HYDIN: variants seen among roughly 807,000 people sequenced by gnomAD.
HYDIN encodes the protein HYDIN axonemal central pair apparatus protein.
In HYDIN, 132 loss-of-function variants were observed where a neutral mutation model predicts 403.9. The ratio of observed to expected loss-of-function variants is 0.33; its 90% CI spans 0.28 to 0.38. HYDIN has a LOEUF of 0.38. Ranked by LOEUF, HYDIN falls within the 10% of genes least tolerant of loss-of-function variation. The pLI, the probability that HYDIN is intolerant of heterozygous loss-of-function variation, is 1.00. For synonymous variants in HYDIN, 1,202 were observed against 1,891.7 expected (o/e 0.64, Z 9.46); for missense variants, 2,827 against 5,009.5 (o/e 0.56, Z 13.15).
At chr16:71,073,610 T>C (rs1275519076) in intron 13 of HYDIN, among the ~76,000 whole-genome samples, 1 of 152,160 alleles carries the variant, frequency 6.6e-6, no homozygotes, top group Non-Finnish European at 1.5e-5. Flanking sequence ...GTCCACATTA[T>C]TCAATGGCCG....
chr16:70,841,010 G>GAAT (rs1183498170), intron 75 of HYDIN, among the ~76,000 whole-genome samples: 1 of 151,942 alleles, frequency 6.6e-6, no homozygotes, highest in African/African-American at 2.4e-5. Flanking sequence ...AGCATCATTA[G>GAAT]AATAAACATT....
At chr16:70,971,173 A>G (rs1438725759) in intron 35 of HYDIN, among the ~76,000 whole-genome samples, 9 of 152,226 alleles carry the variant, frequency 5.9e-5, no homozygotes, top group Non-Finnish European at 1.3e-4. Flanking sequence ...CAAAAATGCC[A>G]GGGAAATGAT....
chr16:71,188,028 C>T (rs1473136864), intron 1 of HYDIN, among the ~76,000 whole-genome samples: 1 of 152,134 alleles, frequency 6.6e-6, no homozygotes, highest in African/African-American at 2.4e-5. Context: ...AAAGTTCAAA[C>T]AACACAAGGC....
At chr16:71,030,533 A>C (rs1030359059) in intron 19 of HYDIN, among the ~76,000 whole-genome samples, 7 of 151,402 alleles carry the variant, frequency 4.6e-5, no homozygotes, top group Non-Finnish European at 8.8e-5. Flanking sequence ...CTTGGGCTCA[A>C]GTGATTCTCC....
chr16:71,201,104 C>G (rs1598016275), intron 1 of HYDIN, among the ~76,000 whole-genome samples: 1 of 152,306 alleles, frequency 6.6e-6, no homozygotes, highest in Admixed American at 6.5e-5. Flanking sequence ...CTTGACCTCT[C>G]TGACATCCCC....
In HYDIN at chr16:70,862,095, T is replaced by C; in HGVS notation, c.11730A>G (p.Lys3910=). 6.2e-7 allele frequency: 1 copy of C among 1,609,610 alleles called. No homozygotes were observed. Among genetic ancestry groups the C allele is most frequent in the Non-Finnish European group, 8.5e-7 (1 of 1,178,054 alleles). The stretch of plus-strand genomic sequence containing the variant: ...AGTCTCCAATGTCCAACGGGGAGAA[T>C]TTTACTTTGAACTTCTGAATCTTCC... ...PVGKIQKFKV[K]FSPLDIGDFE... is the part of the protein sequence containing the mutation. Residue 3910 remains lysine (K), a synonymous_variant, in exon 69 of 86, where the codon AAA becomes AAG. Coordinates refer to ENST00000393567, the MANE Select transcript of HYDIN (RefSeq NM_001270974.2).
In HYDIN at chr16:71,088,543, A is replaced by C; in HGVS notation, c.1447-19T>G. The C allele has an allele frequency of 1.6e-6, 1 of 626,298 alleles. No homozygotes were observed. The highest frequency in any genetic ancestry group is 2.9e-5 in the Admixed American group (1 of 34,602). 38.8% of individuals were successfully genotyped at this position (626,298 alleles called of 1,614,324 possible). A position where few individuals can be genotyped will look rare whatever the true frequency, so the allele number is the denominator to read the frequency against. ...GTATCGCCTATATCAATAAAAGGCA[A>C]GAATGTGAAGGTCAATGGGCCTCTG... On this transcript the variant is annotated intron_variant, in intron 11 of 85. Coordinates refer to ENST00000393567, the MANE Select transcript of HYDIN (RefSeq NM_001270974.2).
At chr16:70,963,017 C>T (rs1296501462) in intron 37 of HYDIN, among the ~76,000 whole-genome samples, 1 of 152,146 alleles carries the variant, frequency 6.6e-6, no homozygotes, top group Non-Finnish European at 1.5e-5. Flanking sequence ...AGGGAGCCCA[C>T]AAACATGGTG....
At chr16:71,079,212 G>A (rs2082709723) in intron 13 of HYDIN, among the ~76,000 whole-genome samples, 4 of 152,148 alleles carry the variant, frequency 2.6e-5, no homozygotes, top group African/African-American at 9.7e-5. Context: ...ACACTATAAG[G>A]ACAGATGTTT....
intron 10 of HYDIN, among the ~76,000 whole-genome samples, chr16:71,097,813 G>A (rs1285049915): frequency 1.3e-5 from 2 of 151,134 alleles, no homozygotes; most frequent in East Asian, 3.9e-4. Context: ...AAATACTTTT[G>A]ATGCTTCGTT....
intron 1 of HYDIN, among the ~76,000 whole-genome samples, chr16:71,219,853 G>A (rs1358667122): frequency 6.6e-6 from 1 of 152,180 alleles, no homozygotes; most frequent in Non-Finnish European, 1.5e-5. Flanking sequence ...AATGCTAAGT[G>A]CTTCTGCAGT....
intron 1 of HYDIN, among the ~76,000 whole-genome samples, chr16:71,198,691 G>A (rs1048772031): frequency 6.6e-6 from 1 of 152,148 alleles, no homozygotes; most frequent in African/African-American, 2.4e-5. Flanking sequence ...TCTGCCTTGG[G>A]ATGGAGATGA....
intron 1 of HYDIN, among the ~76,000 whole-genome samples, chr16:71,208,654 C>T (rs547235965): frequency 1.4e-3 from 207 of 151,992 alleles, no homozygotes; most frequent in Admixed American, 6.1e-3. Flanking sequence ...AGATAGACCA[C>T]CAGCTAGAAG....
intron 7 of HYDIN, among the ~76,000 whole-genome samples, chr16:71,148,499 A>C (rs976777207): frequency 2.0e-5 from 3 of 152,222 alleles, no homozygotes; most frequent in African/African-American, 7.2e-5. Context: ...CAGATAAGTC[A>C]GAAGTAAATT....
At chr16:71,055,834 C>A (rs900602304) in intron 18 of HYDIN, among the ~76,000 whole-genome samples, 4 of 151,990 alleles carry the variant, frequency 2.6e-5, no homozygotes, top group African/African-American at 9.7e-5. Flanking sequence ...GTAGCCAAGG[C>A]TGAATTAGAG....
chr16:71,190,844 T>C (rs540152978), intron 1 of HYDIN, among the ~76,000 whole-genome samples: 18 of 152,266 alleles, frequency 1.2e-4, no homozygotes, highest in Admixed American at 7.2e-4. Context: ...ACCAGCCCAA[T>C]TGCAGGAGAT....
chr16:71,022,187 T>C (rs2144129622), intron 21 of HYDIN, among the ~76,000 whole-genome samples: 1 of 152,112 alleles, frequency 6.6e-6, no homozygotes, highest in South Asian at 2.1e-4. Flanking sequence ...CAGATGGCTT[T>C]GAAGTACAGA....
rs529799686 is a variant in HYDIN, at chr16:70,807,074, A to C, written c.*506T>G. On this transcript the variant is annotated 3_prime_UTR_variant, in exon 86 of 86. Transcript: ENST00000393567. The stretch of plus-strand genomic sequence containing the variant: ...GAAAAAGTGATGGGAGTGTCCCTGG[A>C]TTGCCCTAATGTTATCTGCTCATCC... Among the ~76,000 whole-genome samples, 11 of 152,314 alleles carry C rather than the reference A, an allele frequency of 7.2e-5. No homozygotes were observed. Among genetic ancestry groups the C allele is most frequent in the Non-Finnish European group, 1.6e-4 (11 of 68,030 alleles).
intron 60 of HYDIN, among the ~76,000 whole-genome samples, chr16:70,880,943 T>G (rs1597208265): frequency 6.6e-6 from 1 of 151,304 alleles, no homozygotes; most frequent in South Asian, 2.1e-4. Context: ...ATAAGACTTG[T>G]GGCTGGGTGT....
Sources: allele counts gnomAD v4.1 joint callset (sites outside exome capture counted in the v4.1 genomes callset), GRCh38; gene constraint gnomAD v4.1.1; transcripts MANE v1.5; gene names NCBI Gene and HGNC (gene_info 2026-07-23, HGNC 2026-07-21).